WDR70: variants seen among roughly 807,000 people sequenced by gnomAD.
The protein encoded by WDR70 is WD repeat domain 70, also known as WD repeat-containing protein 70.
A neutral mutation model predicts 88.6 loss-of-function variants in WDR70; 53 were observed. The observed-to-expected ratio is 0.60, with a 90% CI of 0.48 to 0.75. WDR70 has a LOEUF of 0.75. WDR70 is among the 30% of genes least tolerant of loss of function. The probability of loss-of-function intolerance (pLI) is 0.00; values close to 1 mark genes in which losing one functional copy is unlikely to be tolerated. For missense variants in WDR70, 610 were observed against 823.2 expected (o/e 0.74, Z 3.17); for synonymous variants, 280 against 270.0 (o/e 1.04, Z -0.36).
chr5:37,687,104 C>G (rs1302079292), intron 10 of WDR70, among the ~76,000 whole-genome samples: 1 of 152,032 alleles, frequency 6.6e-6, no homozygotes, highest in East Asian at 1.9e-4. Context: ...CGACATTATG[C>G]CTGAAGTGTT....
chr5:37,410,433 T>C (rs1427964693), intron 5 of WDR70, among the ~76,000 whole-genome samples: 1 of 151,970 alleles, frequency 6.6e-6, no homozygotes, highest in Admixed American at 6.6e-5. Flanking sequence ...GTGTACCCTT[T>C]AGGGACCATT....
intron 9 of WDR70, among the ~76,000 whole-genome samples, chr5:37,589,055 G>A (rs1346148389): frequency 6.6e-6 from 1 of 151,766 alleles, no homozygotes; most frequent in African/African-American, 2.4e-5. Flanking sequence ...GAGCCACTGC[G>A]CCCGGCCTAT....
At chr5:37,503,271 C>T (rs1488193651) in intron 8 of WDR70, among the ~76,000 whole-genome samples, 2 of 150,444 alleles carry the variant, frequency 1.3e-5, no homozygotes, top group South Asian at 2.1e-4. Context: ...TTTTTTTAAA[C>T]TGTAAGTTCA....
At chr5:37,721,856 T>TA (rs888382861) in intron 14 of WDR70, 1 of 152,276 alleles carries the variant, frequency 6.6e-6, no homozygotes, top group African/African-American at 2.4e-5. Context: ...TTCTCTCTCT[T>TA]AAAGTACAGT....
At chr5:37,745,569 AG>A (rs1748612520) in intron 17 of WDR70, among the ~76,000 whole-genome samples, 1 of 151,612 alleles carries the variant, frequency 6.6e-6, no homozygotes. Flanking sequence ...CTCAAAATAA[AG>A]GGATGGAGGA....
At chr5:37,644,861 CTTTTTTTGTTAA>C (rs1231590432) in intron 10 of WDR70, among the ~76,000 whole-genome samples, 2 of 151,504 alleles carry the variant, frequency 1.3e-5, no homozygotes, top group Non-Finnish European at 3.0e-5. Flanking sequence ...GGTCTTCTGT[CTTTTTTTGTTAA>C]TTTTTTTGTT....
At chr5:37,575,952 T>C (rs1006839740) in intron 9 of WDR70, among the ~76,000 whole-genome samples, 3 of 152,194 alleles carry the variant, frequency 2.0e-5, no homozygotes, top group Admixed American at 1.3e-4. Flanking sequence ...AGTTGGTATC[T>C]GCTGGATAAT....
chr5:37,507,572 C>T (rs1275351577), intron 8 of WDR70, among the ~76,000 whole-genome samples: 1 of 152,094 alleles, frequency 6.6e-6, no homozygotes, highest in East Asian at 1.9e-4. Context: ...ACAAGATCAC[C>T]CTGTTGGGAT....
intron 10 of WDR70, among the ~76,000 whole-genome samples, chr5:37,621,691 T>A (rs1033998949): frequency 6.6e-6 from 1 of 152,212 alleles, no homozygotes; most frequent in Non-Finnish European, 1.5e-5. Flanking sequence ...CTGTTCACTC[T>A]GATGGTGTTT....
At chr5:37,543,125 G>T (rs890963950) in intron 9 of WDR70, among the ~76,000 whole-genome samples, 1 of 152,118 alleles carries the variant, frequency 6.6e-6, no homozygotes, top group Non-Finnish European at 1.5e-5. Context: ...GGCCATCCTA[G>T]ACCATCTTAT....
chr5:37,560,519 A>G (rs1742469483), intron 9 of WDR70, among the ~76,000 whole-genome samples: 1 of 152,184 alleles, frequency 6.6e-6, no homozygotes. Flanking sequence ...CTGCTGTTTC[A>G]AATATTTAAA....
chr5:37,437,652 G>A (rs1750508549), intron 5 of WDR70, among the ~76,000 whole-genome samples: 1 of 151,936 alleles, frequency 6.6e-6, no homozygotes, highest in African/African-American at 2.4e-5. Context: ...AATTTATGTT[G>A]ACAATAAGAG....
intron 9 of WDR70, among the ~76,000 whole-genome samples, chr5:37,595,163 A>G (rs1246874079): frequency 6.6e-6 from 1 of 152,170 alleles, no homozygotes; most frequent in African/African-American, 2.4e-5. Context: ...CCTGGCCAGA[A>G]CTTCCAACAC....
At chr5:37,461,767 G>A (rs1739014438) in intron 7 of WDR70, among the ~76,000 whole-genome samples, 2 of 152,306 alleles carry the variant, frequency 1.3e-5, no homozygotes, top group African/African-American at 4.8e-5. Flanking sequence ...ACAGGCGTGA[G>A]CCACTGCTCC....
intron 9 of WDR70, among the ~76,000 whole-genome samples, chr5:37,552,798 A>G (rs895762038): frequency 2.0e-5 from 3 of 152,224 alleles, no homozygotes; most frequent in African/African-American, 7.2e-5. Flanking sequence ...GATAAAAACA[A>G]CATGGTCCTT....
chr5:37,678,519 G>T (rs1323095904), intron 10 of WDR70, among the ~76,000 whole-genome samples: 1 of 152,004 alleles, frequency 6.6e-6, no homozygotes, highest in Non-Finnish European at 1.5e-5. Context: ...ATGAAATTCT[G>T]GGTTGAAAAT....
At position 37,570,984 on chromosome 5, in the gene WDR70, T is replaced by C. The variant is rs370894152; in HGVS notation, c.918-34080T>C. Among the ~76,000 whole-genome samples the C allele has an allele frequency of 7.9e-5, 12 of 152,194 alleles. No individual in the cohort carries two copies. In the East Asian group the frequency reaches 1.7e-3, roughly 22 times the overall value. On this transcript the variant is annotated intron_variant, in intron 9 of 17. Coordinates refer to ENST00000265107, the MANE Select transcript of WDR70 (RefSeq NM_018034.4). Reference sequence around the variant, plus strand: ...TACATCTCTGTGCTCTGACAAGATATTGAATTCCTGAGTTCACCAAGTTTG... The same window carrying C: ...TACATCTCTGTGCTCTGACAAGATACTGAATTCCTGAGTTCACCAAGTTTG...
intron 10 of WDR70, among the ~76,000 whole-genome samples, chr5:37,653,193 A>T (rs1436734332): frequency 6.6e-6 from 1 of 152,172 alleles, no homozygotes; most frequent in African/African-American, 2.4e-5. Context: ...ATCTACTGAG[A>T]TAATCATGTG....
chr5:37,447,078 TC>T (rs1377764881), intron 7 of WDR70, among the ~76,000 whole-genome samples: 1 of 151,932 alleles, frequency 6.6e-6, no homozygotes, highest in African/African-American at 2.4e-5. Context: ...TACAAAGAAC[TC>T]TTAACAAATT....
Sources: allele counts gnomAD v4.1 joint callset (sites outside exome capture counted in the v4.1 genomes callset), GRCh38; gene constraint gnomAD v4.1.1; transcripts MANE v1.5; gene names NCBI Gene and HGNC (gene_info 2026-07-23, HGNC 2026-07-21).